Variants in FRMD1 observed in about 807,000 individuals in gnomAD.
FRMD1 encodes FERM domain containing 1.
Under a neutral mutation model 54.9 loss-of-function variants are expected in FRMD1, and 51 were observed. The observed-to-expected ratio is 0.93, with a 90% CI of 0.74 to 1.17. The LOEUF (loss-of-function observed/expected upper bound fraction) is 1.17. Ranked by LOEUF, FRMD1 falls within the 50% of genes most tolerant of loss-of-function variation. FRMD1 has a pLI of 0.00. For missense variants in FRMD1, 729 were observed against 743.0 expected, an observed-to-expected ratio of 0.98 and a Z score of 0.22; for synonymous variants, 324 against 306.4, an observed-to-expected ratio of 1.06 and a Z score of -0.60.
At chr6:168,065,810 C>T in intron 4 of FRMD1, 1 of 999,614 alleles carries the variant, frequency 1.0e-6, no homozygotes, top group Non-Finnish European at 1.2e-6. Flanking sequence ...GCACACATGC[C>T]TTTTGGAACT....
At chr6:168,078,792 C>CCG in intron 1 of FRMD1, 90 bp downstream of exon 1, 2 of 1,061,414 alleles carry the variant, frequency 1.9e-6, no homozygotes, top group Non-Finnish European at 2.5e-6. Context: ...CCACGGCCAC[C>CCG]CAGGGCCCTG....
At chr6:168,088,387 G>A (rs1372598141) in intron 1 of FRMD1, among the ~76,000 whole-genome samples, 1 of 152,242 alleles carries the variant, frequency 6.6e-6, no homozygotes, top group East Asian at 1.9e-4. Context: ...GAGGCAAGGC[G>A]AGCACAAAGG....
chr6:168,073,944 C>T (rs1421882134), intron 2 of FRMD1, among the ~76,000 whole-genome samples: 1 of 152,044 alleles, frequency 6.6e-6, no homozygotes, highest in Non-Finnish European at 1.5e-5. Flanking sequence ...GGGGGATATT[C>T]AGCCACCGCT....
chr6:168,077,728 T>A (rs1280788515), intron 1 of FRMD1, among the ~76,000 whole-genome samples: 1 of 152,230 alleles, frequency 6.6e-6, no homozygotes, highest in Non-Finnish European at 1.5e-5. Context: ...GTTAAAATCT[T>A]ACCGTGAAGT....
chr6:168,083,028 C>T (rs376620729), upstream of FRMD1, among the ~76,000 whole-genome samples: 1 of 152,216 alleles, frequency 6.6e-6, no homozygotes, highest in East Asian at 1.9e-4. Context: ...GCCCCTCACC[C>T]GTGGTGAGTT....
chr6:168,066,015 C>T (rs1474863354), intron 4 of FRMD1: 6 of 1,000,054 alleles, frequency 6.0e-6, no homozygotes, highest in Non-Finnish European at 6.0e-6. Flanking sequence ...AGAGTGCAGC[C>T]CACCAGATGT....
chr6:168,075,661 G>A, intron 1 of FRMD1: 2 of 1,139,802 alleles, frequency 1.8e-6, no homozygotes, highest in Non-Finnish European at 2.6e-6. Context: ...TCAACTCCAG[G>A]GCCGCCCTCT....
At chr6:168,075,162 T>C (rs1334399202) in intron 2 of FRMD1, 83 bp downstream of exon 2, 2 of 1,070,312 alleles carry the variant, frequency 1.9e-6, no homozygotes, top group Non-Finnish European at 2.9e-6. Context: ...ACATTATGGA[T>C]GTGTGTGGTG....
At chr6:168,067,068 C>G in intron 3 of FRMD1, 1 of 715,736 alleles carries the variant, frequency 1.4e-6, no homozygotes, top group Non-Finnish European at 2.5e-6. Context: ...GGCGGGCACA[C>G]CTGCTTGCAG....
chr6:168,081,316 G>A (rs774260805), upstream of FRMD1: 85 of 1,487,480 alleles, frequency 5.7e-5, no homozygotes, highest in Admixed American at 1.2e-4. Context: ...AGGCAGAGGC[G>A]TGACCGGGCC....
chr6:168,066,508 C>T lies in FRMD1; in HGVS notation c.461+247G>A, dbSNP rs1297653932. 4.0e-6 allele frequency: 5 copies of T among 1,247,092 alleles called. No individual in the cohort carries two copies. The East Asian group carries it at 1.7e-4, about 43-fold the overall frequency. The allele number at this position is 1,247,092 out of a possible 1,614,324, so 77.3% of individuals were successfully genotyped here. ...AGTGAAACTCCGTCTCAAAACAAAA[C>T]AAAACAAAACAAAAAGAAAAAGAAA... On this transcript the variant is annotated intron_variant, in intron 4 of 10. Coordinates refer to ENST00000283309, the MANE Select transcript of FRMD1 (RefSeq NM_024919.6).
At chr6:168,083,212 C>T (rs1562434208), upstream of FRMD1, among the ~76,000 whole-genome samples, 1 of 152,246 alleles carries the variant, frequency 6.6e-6, no homozygotes, top group Admixed American at 6.5e-5. Flanking sequence ...AAGCCCATCA[C>T]CCGTCTCTGT....
intron 6 of FRMD1, among the ~76,000 whole-genome samples, chr6:168,063,207 C>T (rs974867077): frequency 6.6e-6 from 1 of 152,186 alleles, no homozygotes; most frequent in Non-Finnish European, 1.5e-5. Flanking sequence ...CCATGCCGGG[C>T]CCGGGGTCCT....
At chr6:168,058,024 G>A (rs565437413) in intron 10 of FRMD1, among the ~76,000 whole-genome samples, 1 of 152,376 alleles carries the variant, frequency 6.6e-6, no homozygotes, top group East Asian at 1.9e-4. Context: ...CCAGAGCTCA[G>A]GCGGCTTCGG....
rs902392 is a variant in FRMD1, at chr6:168,062,785, C to A, written c.870+109G>T. ...GGCGCGTCCAGGCAGGGCCAGCCAG[C>A]GCCCATGACCGCTGCAGGGATGCTA... On this transcript the variant is annotated intron_variant, in intron 7 of 10. Coordinates refer to ENST00000283309, the MANE Select transcript of FRMD1 (RefSeq NM_024919.6). 5.2e-5 allele frequency: 83 copies of A among 1,599,512 alleles called. 1 individual carries two copies. In the Admixed American group the frequency reaches 1.3e-3, roughly 26 times the overall value.
At chr6:168,090,808 C>T (rs751079890) in intron 1 of FRMD1, among the ~76,000 whole-genome samples, 10 of 152,232 alleles carry the variant, frequency 6.6e-5, no homozygotes, top group African/African-American at 9.6e-5. Flanking sequence ...CCACCATGCA[C>T]GGTGCTTCCA....
intron 4 of FRMD1, 124 bp from the exon 5 acceptor site, chr6:168,065,181 C>G (rs1466045662): frequency 1.4e-6 from 2 of 1,436,684 alleles, no homozygotes; most frequent in Non-Finnish European, 1.8e-6. Flanking sequence ...TACCTAGTTC[C>G]TGTCTTGTTA....
upstream of FRMD1, among the ~76,000 whole-genome samples, chr6:168,084,821 C>T (rs146641584): frequency 3.4e-3 from 522 of 152,346 alleles, 4 homozygotes; most frequent in African/African-American, 0.012. Context: ...CGAGAGGTCC[C>T]GCCTCCCACC....
rs545299223 is a variant in FRMD1 at position 168,064,812 on chromosome 6, G to A, written c.648+59C>T. ...TCCCCTGCTCCCATGGATGGCACCCGGTGGAGGTGGACAGGCACCAGACTA... is the reference window on the plus strand; with the variant it reads ...TCCCCTGCTCCCATGGATGGCACCCAGTGGAGGTGGACAGGCACCAGACTA... On this transcript the variant is annotated intron_variant, in intron 5 of 10. Coordinates refer to ENST00000283309, the MANE Select transcript of FRMD1 (RefSeq NM_024919.6). 2.3e-5 allele frequency: 34 copies of A among 1,507,192 alleles called. No homozygotes were observed. In the East Asian group the frequency reaches 2.5e-4, roughly 11 times the overall value. 93.4% of individuals were successfully genotyped at this position (1,507,192 alleles called of 1,614,324 possible). A position where few individuals can be genotyped will look rare whatever the true frequency, so the allele number is the denominator to read the frequency against.
Sources: allele counts gnomAD v4.1 joint callset (sites outside exome capture counted in the v4.1 genomes callset), GRCh38; gene constraint gnomAD v4.1.1; transcripts MANE v1.5; gene names NCBI Gene and HGNC (gene_info 2026-07-23, HGNC 2026-07-21).